REV3L: variants seen among roughly 807,000 people sequenced by gnomAD.
The protein encoded by REV3L is DNA polymerase zeta catalytic subunit.
REV3L carries 69 observed loss-of-function variants against 299.4 expected under a neutral mutation model. That is an observed-to-expected ratio of 0.23 (90% confidence interval 0.19 to 0.28). The LOEUF is 0.28. Ranked by LOEUF, REV3L falls within the 10% of genes least tolerant of loss-of-function variation. The probability of loss-of-function intolerance (pLI) is 1.00; values close to 1 mark genes in which losing one functional copy is unlikely to be tolerated. For missense variants in REV3L, 3,128 were observed against 3,693.8 expected (o/e 0.85, Z 3.97); for synonymous variants, 1,238 against 1,271.4 (o/e 0.97, Z 0.56).
At chr6:111,482,172 G>C (rs1329420207) in intron 1 of REV3L, among the ~76,000 whole-genome samples, 2 of 152,106 alleles carry the variant, frequency 1.3e-5, no homozygotes, top group Non-Finnish European at 2.9e-5. Context: ...AGAGCCACAC[G>C]GTCACCCCAG....
chr6:111,445,544 AC>A (rs1788741998), intron 1 of REV3L, among the ~76,000 whole-genome samples: 1 of 152,224 alleles, frequency 6.6e-6, no homozygotes, highest in Admixed American at 6.5e-5. Flanking sequence ...CCAACAATTC[AC>A]CATACGTTTT....
chr6:111,456,745 C>T (rs1790206685), intron 1 of REV3L, among the ~76,000 whole-genome samples: 1 of 152,158 alleles, frequency 6.6e-6, no homozygotes. Flanking sequence ...CTTTTAGACA[C>T]TGGAATCAGA....
At chr6:111,474,762 T>C (rs568993178) in intron 1 of REV3L, among the ~76,000 whole-genome samples, 2 of 152,324 alleles carry the variant, frequency 1.3e-5, no homozygotes, top group East Asian at 3.9e-4. Flanking sequence ...CTCTTATTTT[T>C]TCCTTCTTAC....
At chr6:111,450,947 G>T (rs1789463184) in intron 1 of REV3L, among the ~76,000 whole-genome samples, 1 of 152,168 alleles carries the variant, frequency 6.6e-6, no homozygotes, top group South Asian at 2.1e-4. Context: ...ACAACAGAAA[G>T]AACCAGAGAA....
chr6:111,337,984 CA>C (rs1033510278), intron 21 of REV3L, among the ~76,000 whole-genome samples: 5 of 152,004 alleles, frequency 3.3e-5, no homozygotes, highest in African/African-American at 9.7e-5. Flanking sequence ...AATGAGATAC[CA>C]AAATAGTGAG....
At chr6:111,424,283 C>T (rs531806342) in intron 1 of REV3L, among the ~76,000 whole-genome samples, 21 of 152,130 alleles carry the variant, frequency 1.4e-4, no homozygotes, top group South Asian at 1.0e-3. Flanking sequence ...AGGCAAGTAA[C>T]GAGAGGCTGG....
intron 4 of REV3L, among the ~76,000 whole-genome samples, chr6:111,396,573 T>TGG (rs1200596452): frequency 6.6e-6 from 1 of 152,140 alleles, no homozygotes; most frequent in Non-Finnish European, 1.5e-5. Flanking sequence ...TGGTGTTAGT[T>TGG]TTTCTTTCTA....
Position 111,367,265 on chromosome 6 carries a change from C to T in REV3L, c.6523G>A (p.Glu2175Lys). The T allele has an allele frequency of 6.2e-7, 1 of 1,613,746 alleles. No homozygotes were observed. Residue 2175 changes from glutamate to lysine, a missense_variant, in exon 14 of 32, where the codon GAG (glutamate) becomes AAG (lysine). Around this residue, in one of 9 missense-constraint regions of REV3L, gnomAD observed 2,409 missense variants for 2,611.8 expected, o/e 0.92. Transcript: ENST00000368802. ...KDGIQKSPCSEPQEPLVISPI... is the reference protein window; with the variant it reads ...KDGIQKSPCSKPQEPLVISPI... ...GATATCACTAGAGGCTCTTGAGGCT[C>T]ACTGCAGGGGCTTTTTTGTATACCA...
intron 31 of REV3L, among the ~76,000 whole-genome samples, chr6:111,300,755 T>A (rs1222070256): frequency 2.0e-5 from 3 of 152,194 alleles, no homozygotes; most frequent in Non-Finnish European, 4.4e-5. Flanking sequence ...CCTATGCCTG[T>A]CTTTAATCTT....
At chr6:111,381,266 A>G in intron 10 of REV3L, 59 bp downstream of exon 10, 2 of 1,582,072 alleles carry the variant, frequency 1.3e-6, no homozygotes. Context: ...ATGCCTCTTC[A>G]CAACACACAT....
chr6:111,316,376 G>C (rs1418099895), intron 26 of REV3L, among the ~76,000 whole-genome samples: 2 of 151,888 alleles, frequency 1.3e-5, no homozygotes, highest in Non-Finnish European at 2.9e-5. Flanking sequence ...AAAAAAGAAA[G>C]ACATTGGCTG....
chr6:111,315,477 C>T, intron 26 of REV3L, 96 bp from the exon 27 acceptor site: 1 of 806,096 alleles, frequency 1.2e-6, no homozygotes, highest in Non-Finnish European at 2.0e-6. Context: ...TTGTCTAATG[C>T]CAAAGAAAAC....
intron 4 of REV3L, among the ~76,000 whole-genome samples, chr6:111,396,015 T>C (rs1435276277): frequency 6.6e-6 from 1 of 151,888 alleles, no homozygotes; most frequent in Non-Finnish European, 1.5e-5. Context: ...TAATGAACAA[T>C]CCTTGCACCC....
chr6:111,481,845 CG>C (rs572018413), intron 1 of REV3L, among the ~76,000 whole-genome samples: 172 of 152,236 alleles, frequency 1.1e-3, no homozygotes, highest in Admixed American at 2.6e-3. Flanking sequence ...TTTTTGAGAA[CG>C]TACCTTCTGT....
In REV3L at chr6:111,471,548, TA is replaced by T. The variant is rs567881991; in HGVS notation, c.139+11201del. ...TAGCAGATTCTGGAGATAAGACAGG[TA>T]AAGAAAGTAACATTTATGTTACTAT... is the stretch of plus-strand genomic sequence containing the variant. On this transcript the variant is annotated intron_variant, in intron 1 of 31. Coordinates refer to ENST00000368802, the MANE Select transcript of REV3L (RefSeq NM_001372078.1). Among the ~76,000 whole-genome samples the T allele has an allele frequency of 1.6e-3, 237 of 152,242 alleles. 2 individuals are homozygous for T. Among genetic ancestry groups the T allele is most frequent in the African/African-American group, 5.1e-3 (214 of 41,554 alleles).
At chr6:111,415,646 A>G (rs896641534) in intron 2 of REV3L, among the ~76,000 whole-genome samples, 3 of 151,352 alleles carry the variant, frequency 2.0e-5, no homozygotes, top group Non-Finnish European at 4.4e-5. Flanking sequence ...ATTTAGTCCA[A>G]CTCTCCTTTA....
chr6:111,380,327 T>C (rs766620690), intron 10 of REV3L, 108 bp from the exon 11 acceptor site: 8 of 730,196 alleles, frequency 1.1e-5, no homozygotes, highest in Non-Finnish European at 1.8e-5. Context: ...TGGCGTGATC[T>C]AGGCTCACTG....
chr6:111,345,803 T>C (rs893099754), intron 20 of REV3L, among the ~76,000 whole-genome samples: 2 of 151,608 alleles, frequency 1.3e-5, no homozygotes, highest in African/African-American at 4.8e-5. Flanking sequence ...TTAAAGCAAA[T>C]CCATAACCCT....
At chr6:111,455,858 A>G (rs1321834155) in intron 1 of REV3L, among the ~76,000 whole-genome samples, 1 of 152,214 alleles carries the variant, frequency 6.6e-6, no homozygotes, top group African/African-American at 2.4e-5. Context: ...GTGTGGAATC[A>G]GGGCTCCAAT....
Sources: gnomAD v4.1 joint callset for allele counts (sites outside exome capture counted in the v4.1 genomes callset) on GRCh38, gnomAD v4.1.1 for gene constraint, gnomAD v4.1.1 regional missense constraint, MANE v1.5 for transcripts, NCBI Gene and HGNC (gene_info 2026-07-23, HGNC 2026-07-21) for gene names.